SUMF1: variants seen among roughly 807,000 people sequenced by gnomAD.
SUMF1 encodes the protein formylglycine-generating enzyme.
In SUMF1, 48 loss-of-function variants were observed where a neutral mutation model predicts 47.6. The observed-to-expected ratio is 1.01, with a 90% CI of 0.80 to 1.28. SUMF1 has a LOEUF of 1.28. Among genes scored for constraint, SUMF1 ranks in the 50% most tolerant of loss-of-function variants. SUMF1 has a pLI of 0.00. For missense variants in SUMF1, 571 were observed against 485.4 expected (o/e 1.18, Z -1.66); for synonymous variants, 230 against 192.1 (o/e 1.20, Z -1.63).
rs536943172 is a variant in SUMF1, at chr3:4,225,228, C to T, written c.1014+151102G>A. Among the ~76,000 whole-genome samples, 6 of 152,188 alleles carry T rather than the reference C, an allele frequency of 3.9e-5. No homozygotes were observed. In the South Asian group the frequency reaches 1.2e-3, roughly 32 times the overall value. On this transcript the variant is annotated intron_variant and NMD_transcript_variant, in intron 8 of 12. Coordinates refer to the SUMF1 transcript ENST00000448413. ...GAAAAACATCTGCTGACAATTGAGC[C>T]TTGAAGGCTCACAGTGCCTCTCCTT...
At chr3:4,241,413 A>G (rs1696535083) in intron 8 of SUMF1, among the ~76,000 whole-genome samples, 1 of 152,100 alleles carries the variant, frequency 6.6e-6, no homozygotes, top group African/African-American at 2.4e-5. Context: ...TGAAGTCTGA[A>G]GGCCCAAGTT....
At chr3:4,245,867 G>T (rs532739081) in intron 8 of SUMF1, among the ~76,000 whole-genome samples, 1 of 152,216 alleles carries the variant, frequency 6.6e-6, no homozygotes, top group South Asian at 2.1e-4. Flanking sequence ...TAGAGAGGCA[G>T]TAGCCCTTGC....
intron 8 of SUMF1, among the ~76,000 whole-genome samples, chr3:4,112,433 C>G (rs189476420): frequency 1.3e-5 from 2 of 152,214 alleles, no homozygotes; most frequent in Admixed American, 1.3e-4. Context: ...GATAAAATTG[C>G]TAATGGTGAG....
At chr3:4,423,396 T>A (rs899003325) in intron 3 of SUMF1, among the ~76,000 whole-genome samples, 1 of 152,058 alleles carries the variant, frequency 6.6e-6, no homozygotes, top group Non-Finnish European at 1.5e-5. Flanking sequence ...TACCCCTTTT[T>A]CAAAGGGGAG....
intron 9 of SUMF1, among the ~76,000 whole-genome samples, chr3:4,042,200 TGAGA>T (rs1323317571): frequency 1.3e-5 from 2 of 152,110 alleles, no homozygotes; most frequent in African/African-American, 2.4e-5. Flanking sequence ...GTAAGAGACA[TGAGA>T]AAGATTTAGA....
In SUMF1 at chr3:4,274,661, G is replaced by A. The variant is rs552664720; in HGVS notation, c.1014+101669C>T. 3.3e-5 allele frequency among the ~76,000 whole-genome samples: 5 copies of A among 152,260 alleles called. No individual in the cohort carries two copies. In the East Asian group the frequency reaches 7.7e-4, roughly 23 times the overall value. The stretch of plus-strand genomic sequence containing the variant: ...GGATAGGTTTTCCCCTGAAAAAACT[G>A]AATATCCCACTGTAAAACATCCTGG... On this transcript the variant is annotated intron_variant and NMD_transcript_variant, in intron 8 of 12. Transcript: ENST00000448413.
chr3:4,162,412 C>A (rs894610039), intron 8 of SUMF1, among the ~76,000 whole-genome samples: 1 of 152,132 alleles, frequency 6.6e-6, no homozygotes, highest in African/African-American at 2.4e-5. Context: ...GTGGCCTAGA[C>A]TGCCTTTCAA....
intron 3 of SUMF1, among the ~76,000 whole-genome samples, chr3:4,427,478 G>A (rs570257344): frequency 8.4e-4 from 128 of 152,290 alleles, no homozygotes; most frequent in African/African-American, 2.9e-3. Context: ...CACAAGTATG[G>A]AAAGCTAAGA....
intron 8 of SUMF1, among the ~76,000 whole-genome samples, chr3:4,289,310 C>T (rs185920517): frequency 9.2e-5 from 14 of 152,300 alleles, no homozygotes; most frequent in African/African-American, 2.9e-4. Context: ...CAAAATAAAT[C>T]CTGTATTTCC....
intron 8 of SUMF1, among the ~76,000 whole-genome samples, chr3:4,115,045 A>T (rs1000810865): frequency 5.4e-5 from 7 of 130,648 alleles, no homozygotes; most frequent in African/African-American, 2.1e-4. Flanking sequence ...TTCCAAGACC[A>T]CCCTGGCCCA....
chr3:4,198,689 A>C (rs1326863712), intron 8 of SUMF1, among the ~76,000 whole-genome samples: 1 of 152,092 alleles, frequency 6.6e-6, no homozygotes, highest in African/African-American at 2.4e-5. Context: ...AGCTGGAGTA[A>C]TTAGAGGAAG....
chr3:4,123,813 T>G (rs1301161449), intron 8 of SUMF1, among the ~76,000 whole-genome samples: 4 of 152,126 alleles, frequency 2.6e-5, no homozygotes, highest in African/African-American at 9.7e-5. Context: ...GTCTTGTTCT[T>G]GTATATGATA....
At chr3:4,413,158 C>T (rs1461144636) in intron 6 of SUMF1, among the ~76,000 whole-genome samples, 1 of 152,044 alleles carries the variant, frequency 6.6e-6, no homozygotes, top group East Asian at 1.9e-4. Context: ...GTGTGCACCA[C>T]CACAACCGAC....
chr3:4,055,513 C>T (rs1027984104), intron 9 of SUMF1, among the ~76,000 whole-genome samples: 1 of 152,046 alleles, frequency 6.6e-6, no homozygotes, highest in African/African-American at 2.4e-5. Context: ...GACAGAGTCT[C>T]GCTCTGTCAC....
chr3:4,457,845 G>A (rs1325910285), intron 1 of SUMF1, among the ~76,000 whole-genome samples: 2 of 152,084 alleles, frequency 1.3e-5, no homozygotes, highest in Non-Finnish European at 2.9e-5. Context: ...AAGATTTCTT[G>A]GACTTGACCC....
In SUMF1 at chr3:4,139,691, A is replaced by G. The variant is rs189556847; in HGVS notation, c.1015-70946T>C. Among the ~76,000 whole-genome samples the G allele has an allele frequency of 2.2e-3, 335 of 151,998 alleles. 1 individual carries two copies. Among genetic ancestry groups the G allele is most frequent in the Non-Finnish European group, 3.4e-3 (228 of 67,916 alleles). On this transcript the variant is annotated intron_variant and NMD_transcript_variant, in intron 8 of 12. Transcript: ENST00000448413. The stretch of plus-strand genomic sequence containing the variant: ...CTTCCTGCAGGAAAGAGGACTAGTC[A>G]TATGGCAAACAATTGCATAGTAAGT...
Position 4,452,953 on chromosome 3 carries a change from C to A in SUMF1, c.367G>T (p.Ala123Ser). The A allele has an allele frequency of 6.2e-7, 1 of 1,614,204 alleles. No homozygotes were observed. Among genetic ancestry groups the A allele is most frequent in the East Asian group, 2.2e-5 (1 of 44,884 alleles). ...EAPARRVTID[A>S]FYMDAYEVSN... ...ACTTCATAGGCATCCATGTAAAAGG[C>A]ATCAATAGTAACTCTCCTCGCAGGT... Residue 123 changes from alanine (A) to serine (S), a missense_variant, in exon 2 of 9, where the codon GCC becomes TCC. Physicochemically the swap from Ala to Ser is moderately conservative, Grantham distance 99. Transcript: ENST00000272902.
intron 3 of SUMF1, among the ~76,000 whole-genome samples, chr3:4,449,050 A>G (rs998816103): frequency 5.9e-5 from 9 of 152,184 alleles, no homozygotes; most frequent in African/African-American, 2.2e-4. Flanking sequence ...CAGAAACTCA[A>G]GGCAGACCCA....
intron 8 of SUMF1, among the ~76,000 whole-genome samples, chr3:4,180,727 C>T (rs1326379912): frequency 1.4e-5 from 1 of 71,622 alleles, no homozygotes; most frequent in African/African-American, 4.2e-5. Flanking sequence ...GTGGCGCACT[C>T]CTATGGTCCC....
Sources: gnomAD v4.1 joint callset for allele counts (sites outside exome capture counted in the v4.1 genomes callset) on GRCh38, gnomAD v4.1.1 for gene constraint, MANE v1.5 for transcripts, NCBI Gene and HGNC (gene_info 2026-07-23, HGNC 2026-07-21) for gene names.